Variants in ACRV1 observed in about 807,000 individuals in gnomAD.
ACRV1 encodes the protein acrosomal protein SP-10.
Under a neutral mutation model 29.2 loss-of-function variants are expected in ACRV1, and 17 were observed. That is an observed-to-expected ratio of 0.58 (90% CI 0.40 to 0.87). The LOEUF is 0.87. ACRV1 is among the 40% of genes least tolerant of loss of function. The pLI, the probability that ACRV1 is intolerant of heterozygous loss-of-function variation, is 0.00. For missense variants in ACRV1, 294 were observed against 316.0 expected (o/e 0.93, Z 0.53); for synonymous variants, 98 against 111.6 (o/e 0.88, Z 0.77).
rs747878920 is a variant in ACRV1, at chr11:125,672,587, A to G, written c.*6T>C. On this transcript the variant is annotated 3_prime_UTR_variant, in exon 4 of 4. Transcript: ENST00000533904. Reference sequence around the variant, plus strand: ...CCTGAGTCAAAACAAGCAAGGGCCCAGGCTTCTAGATCTTATTGCAGAAAG... The same window carrying G: ...CCTGAGTCAAAACAAGCAAGGGCCCGGGCTTCTAGATCTTATTGCAGAAAG... The G allele has an allele frequency of 1.2e-6, 2 of 1,613,852 alleles. No homozygotes were observed. Among genetic ancestry groups the G allele is most frequent in the African/African-American group, 1.3e-5 (1 of 75,034 alleles).
rs1942759292 is a variant in ACRV1 at position 125,680,727 on chromosome 11, A to G, written c.52+2T>C. 2 of 1,613,084 alleles carry G rather than the reference A, an allele frequency of 1.2e-6. No homozygotes were observed. Among genetic ancestry groups the G allele is most frequent in the Non-Finnish European group, 1.7e-6 (2 of 1,179,328 alleles). On this transcript the variant is annotated splice_donor_variant, in intron 1 of 3. Coordinates refer to ENST00000533904, the MANE Select transcript of ACRV1 (RefSeq NM_001612.6). LOFTEE classifies it high-confidence loss of function. ...TACCTGAAGCCTAGATCAAACACTC[A>G]CCTCTGGCAGATCCAAGCAGATAAA...
chr11:125,679,072 C>G (rs1486107994), intron 1 of ACRV1, among the ~76,000 whole-genome samples: 2 of 146,722 alleles, frequency 1.4e-5, no homozygotes, highest in Non-Finnish European at 3.0e-5. Flanking sequence ...GTCCTGAGTA[C>G]TTAATAAGAT....
At chr11:125,678,501 CAG>C (rs954723499) in intron 1 of ACRV1, among the ~76,000 whole-genome samples, 2 of 152,156 alleles carry the variant, frequency 1.3e-5, no homozygotes, top group African/African-American at 4.8e-5. Context: ...GTGAAACAAA[CAG>C]AGGCCACCTC....
At chr11:125,679,714 T>G (rs1380334935) in intron 1 of ACRV1, among the ~76,000 whole-genome samples, 2 of 152,162 alleles carry the variant, frequency 1.3e-5, no homozygotes, top group Non-Finnish European at 2.9e-5. Context: ...GAGGCTGAGG[T>G]AGTCTAAAAC....
chr11:125,676,189 T>A, intron 3 of ACRV1, 170 bp downstream of exon 3: 1 of 825,490 alleles, frequency 1.2e-6, no homozygotes, highest in Non-Finnish European at 1.8e-6. Context: ...ATTTTAGGTG[T>A]GAGCCACCTC....
intron 1 of ACRV1, among the ~76,000 whole-genome samples, chr11:125,679,546 A>G (rs548761460): frequency 1.1e-4 from 17 of 152,316 alleles, no homozygotes; most frequent in African/African-American, 3.8e-4. Flanking sequence ...CTGTCAGACA[A>G]ATATTCCTTA....
At chr11:125,674,277 T>C (rs1040989224) in intron 3 of ACRV1, among the ~76,000 whole-genome samples, 1 of 152,230 alleles carries the variant, frequency 6.6e-6, no homozygotes, top group African/African-American at 2.4e-5. Context: ...AACCATGTTA[T>C]ATGCTATGCT....
At chr11:125,679,885 CTT>C (rs1364311903) in intron 1 of ACRV1, among the ~76,000 whole-genome samples, 3 of 152,178 alleles carry the variant, frequency 2.0e-5, no homozygotes, top group South Asian at 4.1e-4. Context: ...ATTTTTTAAA[CTT>C]ATTACATAAA....
At chr11:125,672,762 C>T (rs1237938518) in intron 3 of ACRV1, 45 bp from the exon 4 acceptor site, 5 of 1,608,772 alleles carry the variant, frequency 3.1e-6, no homozygotes, top group Non-Finnish European at 4.2e-6. Flanking sequence ...GCTTCGTCCT[C>T]CAACCTTAGC....
Position 125,678,109 on chromosome 11 carries a change from C to T in ACRV1, c.241G>A (p.Ala81Thr). 1 of 1,614,176 alleles carries T rather than the reference C, an allele frequency of 6.2e-7. No homozygotes were observed. Among genetic ancestry groups the T allele is most frequent in the Non-Finnish European group, 8.5e-7 (1 of 1,180,044 alleles). Residue 81 changes from alanine to threonine, a missense_variant, in exon 2 of 4, where the codon GCC (alanine) becomes ACC (threonine). By Grantham distance (58) the Ala-to-Thr change is moderately conservative. Transcript: ENST00000533904. The part of the protein sequence containing the change: ...SEHGSSKHTV[A>T]EHTSGEHAES... ...GCATGTTCTCCAGAAGTGTGCTCGG[C>T]CACAGTGTGCTTGCTTGAACCATGC... is the stretch of plus-strand genomic sequence containing the variant.
chr11:125,678,403 A>G (rs1405701976), intron 1 of ACRV1, 106 bp from the exon 2 acceptor site: 22 of 1,364,576 alleles, frequency 1.6e-5, no homozygotes, highest in Non-Finnish European at 2.2e-5. Flanking sequence ...TAGGTTTCCT[A>G]TGGGCCTAGA....
In ACRV1 at chr11:125,676,367, ATCT is replaced by A. The variant is rs1942506707; in HGVS notation, c.662_664del (p.Lys221del). ...ATGAAGTCCCCATATACCTTCAAAG[ATCT>A]TCTTTAACATGCACTGCTGGGAATT... is the stretch of plus-strand genomic sequence containing the variant. On this transcript the variant is annotated inframe_deletion, in exon 3 of 4. Transcript: ENST00000533904. 2 of 1,614,128 alleles carry A rather than the reference ATCT, an allele frequency of 1.2e-6. No individual in the cohort carries two copies. The highest frequency in any genetic ancestry group is 1.7e-6 in the Non-Finnish European group (2 of 1,180,018).
rs1942230364 is a variant in ACRV1, at chr11:125,672,394, A to G, written c.*199T>C. ...CAGGAATATTGAGAGAAAGAGTTGG[A>G]GCAGGGAAGACAGGACAGAGAAGAA... On this transcript the variant is annotated 3_prime_UTR_variant, in exon 4 of 4. Coordinates refer to ENST00000533904, the MANE Select transcript of ACRV1 (RefSeq NM_001612.6). The G allele has an allele frequency of 3.5e-6, 2 of 579,030 alleles. No homozygotes were observed. The highest frequency in any genetic ancestry group is 1.9e-5 in the African/African-American group (1 of 52,778). The allele number at this position is 579,030 out of a possible 1,614,324, so 35.9% of individuals were successfully genotyped here.
intron 3 of ACRV1, among the ~76,000 whole-genome samples, 184 bp from the exon 4 acceptor site, chr11:125,672,901 T>C (rs1942271119): frequency 6.6e-6 from 1 of 152,124 alleles, no homozygotes; most frequent in African/African-American, 2.4e-5. Flanking sequence ...ACTCCTTTCT[T>C]ATATTGTCAG....
At chr11:125,677,524 A>G (rs113180267) in intron 2 of ACRV1, among the ~76,000 whole-genome samples, 17 of 152,288 alleles carry the variant, frequency 1.1e-4, no homozygotes, top group African/African-American at 4.1e-4. Context: ...CTGTGTATTC[A>G]TAATTTCTTA....
chr11:125,676,950 C>T (rs1942540565), intron 2 of ACRV1, among the ~76,000 whole-genome samples: 1 of 152,144 alleles, frequency 6.6e-6, no homozygotes, highest in Non-Finnish European at 1.5e-5. Flanking sequence ...TCTCCATTTT[C>T]AAATTGACCT....
chr11:125,676,461 A>G lies in ACRV1; in HGVS notation c.571T>C (p.Tyr191His). 6.2e-7 allele frequency: 1 copy of G among 1,614,188 alleles called. No homozygotes were observed. Reference protein sequence around the residue: ...STSTGTILNCYTCAYMNDQGK... With the variant: ...STSTGTILNCHTCAYMNDQGK... ...TGATCATTCATATAAGCACATGTGT[A>G]GCAATTTAATATTGTGCCTGAAAAT... Residue 191 changes from tyrosine to histidine, a missense_variant, in exon 3 of 4, where the codon TAC becomes CAC. Physicochemically the swap from Tyr to His is moderately conservative, Grantham distance 83 (BLOSUM62 2). Transcript: ENST00000533904.
rs1942586899 is a variant in ACRV1 at position 125,677,822 on chromosome 11, ACCTGAAGCCTGTTCC to A, written c.513_527del (p.Glu172_Gly176del). 3 of 1,614,130 alleles carry A rather than the reference ACCTGAAGCCTGTTCC, an allele frequency of 1.9e-6. No individual in the cohort carries two copies. The highest frequency in any genetic ancestry group is 2.2e-5 in the East Asian group (1 of 44,880). On this transcript the variant is annotated inframe_deletion, in exon 2 of 4. Coordinates refer to ENST00000533904, the MANE Select transcript of ACRV1 (RefSeq NM_001612.6). Reference sequence around the variant, plus strand: ...CTGTAGATGTGCTTGAAATTGGTGCACCTGAAGCCTGTTCCCCTGAAGCGTGCTCACCTGAAGGCT... The same window carrying A: ...CTGTAGATGTGCTTGAAATTGGTGCACCTGAAGCGTGCTCACCTGAAGGCT...
In ACRV1 at chr11:125,679,216, C is replaced by CTTTTTTTTTTTTTTTTTTT. The variant is rs71045115; in HGVS notation, c.53-920_53-919insAAAAAAAAAAAAAAAAAAA. Among the ~76,000 whole-genome samples the CTTTTTTTTTTTTTTTTTTT allele has an allele frequency of 3.7e-3, 451 of 120,974 alleles. 34 individuals are homozygous for CTTTTTTTTTTTTTTTTTTT. The highest frequency in any genetic ancestry group is 0.013 in the African/African-American group (409 of 31,576). The allele number at this position is 120,974 out of a possible 152,430, so 79.4% of individuals were successfully genotyped here. Reference sequence around the variant, plus strand: ...TCTTCTACCTTTAATCCGTCTCTTTCTTTTTTTTTTTTTGTTTCAAAGATA... The same window carrying CTTTTTTTTTTTTTTTTTTT: ...TCTTCTACCTTTAATCCGTCTCTTTCTTTTTTTTTTTTTTTTTTTTTTTTTTTTTTTTGTTTCAAAGATA... On this transcript the variant is annotated intron_variant, in intron 1 of 3. Coordinates refer to ENST00000533904, the MANE Select transcript of ACRV1 (RefSeq NM_001612.6).
Sources: gnomAD v4.1 joint callset for allele counts (sites outside exome capture counted in the v4.1 genomes callset) on GRCh38, gnomAD v4.1.1 for gene constraint, MANE v1.5 for transcripts, NCBI Gene and HGNC (gene_info 2026-07-23, HGNC 2026-07-21) for gene names.